The following DYRK1A variants were observed in gnomAD, a reference collection of about 807,000 sequenced individuals.
DYRK1A encodes dual specificity tyrosine-phosphorylation-regulated kinase 1A.
A neutral mutation model predicts 79.7 loss-of-function variants in DYRK1A; 9 were observed. That is an observed-to-expected ratio of 0.11 (90% CI 0.07 to 0.20). DYRK1A has a LOEUF of 0.20. DYRK1A is among the 10% of genes least tolerant of loss of function. The pLI is 1.00. For synonymous variants in DYRK1A, 349 were observed against 329.7 expected (o/e 1.06, Z -0.63); for missense variants, 622 against 956.0 (o/e 0.65, Z 4.61).
chr21:37,367,560 AG>A lies in DYRK1A; in HGVS notation c.-144del, dbSNP rs2049334564. ...CGCTGGCTGCGGAGGCCGCGGCGGGAGCGCGGCGCGGGAGCCCGAGGCTGAG... is the reference window on the plus strand; with the variant it reads ...CGCTGGCTGCGGAGGCCGCGGCGGGACGCGGCGCGGGAGCCCGAGGCTGAG... On this transcript the variant is annotated 5_prime_UTR_variant, in exon 1 of 12. Transcript: ENST00000647188. The A allele has an allele frequency of 6.9e-6, 1 of 145,050 alleles. No homozygotes were observed. The highest frequency in any genetic ancestry group is 2.1e-4 in the South Asian group (1 of 4,744). 9.0% of individuals were successfully genotyped at this position (145,050 alleles called of 1,614,324 possible). A position where few individuals can be genotyped will look rare whatever the true frequency, so the allele number is the denominator to read the frequency against.
intron 2 of DYRK1A, among the ~76,000 whole-genome samples, chr21:37,461,641 G>A (rs1483831656): frequency 1.3e-5 from 2 of 152,052 alleles, no homozygotes; most frequent in South Asian, 2.1e-4. Flanking sequence ...TGTTCTCACC[G>A]GATATAGATT....
intron 2 of DYRK1A, among the ~76,000 whole-genome samples, chr21:37,443,423 A>G (rs1180797782): frequency 6.6e-6 from 1 of 151,974 alleles, no homozygotes; most frequent in Non-Finnish European, 1.5e-5. Context: ...TTTTGTGCGT[A>G]CCTGGACATT....
intron 3 of DYRK1A, among the ~76,000 whole-genome samples, 198 bp downstream of exon 3, chr21:37,473,078 C>T (rs553655253): frequency 2.6e-4 from 39 of 151,982 alleles, no homozygotes; most frequent in Admixed American, 1.4e-3. Flanking sequence ...CTTAAACACT[C>T]ATAAACATAA....
intron 1 of DYRK1A, among the ~76,000 whole-genome samples, chr21:37,418,169 T>C (rs1015072621): frequency 6.6e-6 from 1 of 152,136 alleles, no homozygotes; most frequent in Non-Finnish European, 1.5e-5. Context: ...AGGAAGGATA[T>C]ATGGAATAAT....
rs1247518875 is a variant in DYRK1A, at chr21:37,463,230, G to GTGTGTGTGTGTGTGTGTGTC, written c.11-9451_11-9450insGTGTGTGTGTGTGTGTCTGT. Among the ~76,000 whole-genome samples the GTGTGTGTGTGTGTGTGTGTC allele has an allele frequency of 1.3e-4, 19 of 146,194 alleles. No individual in the cohort carries two copies. The East Asian group carries it at 3.7e-3, about 28-fold the overall frequency. ...TGTGTGTGTGTGTGTGTGTGTGTGT[G>GTGTGTGTGTGTGTGTGTGTC]TGTATCCTGTAGTAACACATATTGG... On this transcript the variant is annotated intron_variant, in intron 2 of 11. Coordinates refer to ENST00000647188, the MANE Select transcript of DYRK1A (RefSeq NM_001347721.2).
At position 37,496,060 on chromosome 21, in the gene DYRK1A, AGCAG is replaced by A; in HGVS notation, c.1072-56_1072-53del. The A allele has an allele frequency of 2.0e-6, 3 of 1,526,338 alleles. No individual in the cohort carries two copies. In the South Asian group the frequency reaches 3.6e-5, roughly 19 times the overall value. The allele number at this position is 1,526,338 out of a possible 1,614,324, so 94.5% of individuals were successfully genotyped here. On this transcript the variant is annotated intron_variant, in intron 8 of 11. Transcript: ENST00000647188. ...TTATTTATGAATGAATGACTTGATG[AGCAG>A]GAGTAGATGTACAGTAGAAATTACA...
chr21:37,430,992 T>G (rs2050761117), intron 2 of DYRK1A, among the ~76,000 whole-genome samples: 1 of 152,182 alleles, frequency 6.6e-6, no homozygotes. Flanking sequence ...TCCTAGATCT[T>G]TTTGACATTC....
intron 1 of DYRK1A, among the ~76,000 whole-genome samples, chr21:37,370,065 T>G (rs1316503530): frequency 6.6e-6 from 1 of 152,110 alleles, no homozygotes; most frequent in Non-Finnish European, 1.5e-5. Context: ...TTATGGAGAG[T>G]TACTGTTTAT....
At position 37,512,209 on chromosome 21, in the gene DYRK1A, C is replaced by T; in HGVS notation, c.1943C>T (p.Ser648Phe). Residue 648 changes from serine (S) to phenylalanine (F), a missense_variant, in exon 12 of 12, where the codon TCC (serine) becomes TTC (phenylalanine). Transcript: ENST00000647188. ...GGCCACAGTCACCACTCCATGACAT[C>T]CCTGTCTTCCTCAACGACTTCTTCC... ...EVGHSHHSMT[S>F]LSSSTTSSST... 6.2e-7 allele frequency: 1 copy of T among 1,614,204 alleles called. No individual in the cohort carries two copies. The highest frequency in any genetic ancestry group is 8.5e-7 in the Non-Finnish European group (1 of 1,180,034).
At chr21:37,389,038 TAA>T (rs1156392946) in intron 1 of DYRK1A, among the ~76,000 whole-genome samples, 17 of 142,956 alleles carry the variant, frequency 1.2e-4, no homozygotes, top group Middle Eastern at 3.6e-3. Flanking sequence ...GCTTTTAAAT[TAA>T]AAAAAAAAAT....
Position 37,519,717 on chromosome 21 carries a change from T to C in DYRK1A, c.*7186T>C, listed in dbSNP as rs561266610. 3.3e-5 allele frequency: 5 copies of C among 151,366 alleles called. No individual in the cohort carries two copies. The highest frequency in any genetic ancestry group is 9.8e-5 in the African/African-American group (4 of 40,958). 9.4% of individuals were successfully genotyped at this position (151,366 alleles called of 1,614,324 possible). A position where few individuals can be genotyped will look rare whatever the true frequency, so the allele number is the denominator to read the frequency against. ...CAGTCCCTGCATCTATTTAAGAGTTTTGAGGTTTGTTGTGGGAAGTTTTTT... is the reference window on the plus strand; with the variant it reads ...CAGTCCCTGCATCTATTTAAGAGTTCTGAGGTTTGTTGTGGGAAGTTTTTT... On this transcript the variant is annotated 3_prime_UTR_variant, in exon 12 of 12. Coordinates refer to ENST00000647188, the MANE Select transcript of DYRK1A (RefSeq NM_001347721.2).
intron 1 of DYRK1A, among the ~76,000 whole-genome samples, chr21:37,389,948 G>C (rs1280123431): frequency 6.7e-6 from 1 of 149,720 alleles, no homozygotes; most frequent in African/African-American, 2.5e-5. Flanking sequence ...TTTAGAGACA[G>C]GGTGTTGCTC....
chr21:37,470,068 T>A (rs2052170439), intron 2 of DYRK1A, among the ~76,000 whole-genome samples: 1 of 152,068 alleles, frequency 6.6e-6, no homozygotes, highest in South Asian at 2.1e-4. Flanking sequence ...GGCGTGAACC[T>A]GGGAGGCGGA....
chr21:37,467,218 C>T (rs1459972437), intron 2 of DYRK1A, among the ~76,000 whole-genome samples: 1 of 152,030 alleles, frequency 6.6e-6, no homozygotes, highest in Admixed American at 6.5e-5. Context: ...ATGACCAAAT[C>T]GCATTCCAGA....
At chr21:37,366,559 C>T (rs2049309116), upstream of DYRK1A, among the ~76,000 whole-genome samples, 2 of 151,198 alleles carry the variant, frequency 1.3e-5, no homozygotes, top group Non-Finnish European at 3.0e-5. Context: ...CCTCCTCTGA[C>T]ACTCGTAGCG....
chr21:37,409,604 A>G lies in DYRK1A; in HGVS notation c.-76-10695A>G, dbSNP rs907637991. ...AAGGGATTTTTTAATGTTAAGATGG[A>G]AGCTGAATTTCTTGGACCATTTTTT... is the stretch of plus-strand genomic sequence containing the variant. On this transcript the variant is annotated intron_variant, in intron 1 of 11. Coordinates refer to ENST00000647188, the MANE Select transcript of DYRK1A (RefSeq NM_001347721.2). 5.3e-5 allele frequency among the ~76,000 whole-genome samples: 8 copies of G among 152,202 alleles called. No homozygotes were observed. The South Asian group carries it at 6.2e-4, about 12-fold the overall frequency.
intron 2 of DYRK1A, among the ~76,000 whole-genome samples, chr21:37,445,267 T>G (rs568802100): frequency 1.3e-5 from 2 of 152,320 alleles, no homozygotes; most frequent in East Asian, 3.9e-4. Context: ...AGCAGAATAA[T>G]TCAACAAAAC....
chr21:37,406,287 A>G (rs1049580195), intron 1 of DYRK1A, among the ~76,000 whole-genome samples: 2 of 152,210 alleles, frequency 1.3e-5, no homozygotes, highest in Non-Finnish European at 2.9e-5. Context: ...TTCCATAGCT[A>G]TTCCAGTTAA....
At chr21:37,427,603 TTTG>T (rs772787641) in intron 2 of DYRK1A, among the ~76,000 whole-genome samples, 3 of 152,154 alleles carry the variant, frequency 2.0e-5, no homozygotes, top group Non-Finnish European at 2.9e-5. Context: ...GTGTTTTTTG[TTTG>T]TTTTTTATTT....
Sources: allele counts gnomAD v4.1 joint callset (sites outside exome capture counted in the v4.1 genomes callset), GRCh38; gene constraint gnomAD v4.1.1; transcripts MANE v1.5; gene names NCBI Gene and HGNC (gene_info 2026-07-23, HGNC 2026-07-21).